The following GPR176 variants were observed in gnomAD, a reference collection of about 807,000 sequenced individuals.
GPR176 encodes G protein-coupled receptor 176, also known as G-protein coupled receptor 176.
GPR176 carries 26 observed loss-of-function variants against 35.4 expected under a neutral mutation model. That is an observed-to-expected ratio of 0.74 (90% CI 0.54 to 1.02). The LOEUF (loss-of-function observed/expected upper bound fraction) is 1.02. Ranked by LOEUF, GPR176 falls within the 50% of genes least tolerant of loss-of-function variation. The pLI is 0.00. For missense variants in GPR176, 597 were observed against 665.3 expected (o/e 0.90, Z 1.13); for synonymous variants, 278 against 271.3 (o/e 1.02, Z -0.24).
chr15:39,893,085 C>A lies in GPR176; in HGVS notation c.172+26770G>T, dbSNP rs951223488. On this transcript the variant is annotated intron_variant, in intron 1 of 2. Coordinates refer to ENST00000561100, the MANE Select transcript of GPR176 (RefSeq NM_007223.3). ...AATTTGGCATATCGAGAATATTGAT[C>A]TCTAACTCTCTTTTTTTTTTAAATT... is the stretch of plus-strand genomic sequence containing the variant. 3.3e-5 allele frequency among the ~76,000 whole-genome samples: 5 copies of A among 149,644 alleles called. 1 individual carries two copies. In the South Asian group the frequency reaches 8.6e-4, roughly 26 times the overall value.
At chr15:39,856,685 T>C (rs1243029474) in intron 1 of GPR176, among the ~76,000 whole-genome samples, 2 of 152,246 alleles carry the variant, frequency 1.3e-5, no homozygotes, top group Admixed American at 6.5e-5. Context: ...GCAATGTCTT[T>C]TAAGACCTAG....
At chr15:39,900,541 G>A (rs764691018) in intron 1 of GPR176, among the ~76,000 whole-genome samples, 9 of 152,160 alleles carry the variant, frequency 5.9e-5, no homozygotes, top group Non-Finnish European at 4.4e-5. Context: ...AGCTGCCCAC[G>A]TACTCCCGTT....
chr15:39,854,339 T>C (rs2031067495), intron 1 of GPR176, among the ~76,000 whole-genome samples: 1 of 152,208 alleles, frequency 6.6e-6, no homozygotes, highest in Admixed American at 6.5e-5. Context: ...TCAGCTCCTT[T>C]AGATGATTAT....
intron 1 of GPR176, among the ~76,000 whole-genome samples, chr15:39,836,347 TATG>T (rs1176869316): frequency 6.6e-6 from 1 of 152,118 alleles, no homozygotes; most frequent in Non-Finnish European, 1.5e-5. Flanking sequence ...CCTGAGTTCA[TATG>T]ATATCTGGTT....
In GPR176 at chr15:39,799,522, GA is replaced by G. The variant is rs1210723989; in HGVS notation, c.*1609del. On this transcript the variant is annotated 3_prime_UTR_variant, in exon 3 of 3. Transcript: ENST00000561100. ...CAGAAACACAAGACACCACACCCAAGAGAAGAAAGGAAAACAAAACTCCCTA... is the reference window on the plus strand; with the variant it reads ...CAGAAACACAAGACACCACACCCAAGGAAGAAAGGAAAACAAAACTCCCTA... 1 of 152,248 alleles carries G rather than the reference GA, an allele frequency of 6.6e-6. No individual in the cohort carries two copies. The highest frequency in any genetic ancestry group is 6.5e-5 in the Admixed American group (1 of 15,290). 9.4% of individuals were successfully genotyped at this position (152,248 alleles called of 1,614,324 possible).
At chr15:39,817,068 C>CAAAAAAAAAAAAAAAAAAA (rs58812005) in intron 1 of GPR176, among the ~76,000 whole-genome samples, 2 of 77,296 alleles carry the variant, frequency 2.6e-5, no homozygotes, top group Non-Finnish European at 4.6e-5. Context: ...GATTCTGTCT[C>CAAAAAAAAAAAAAAAAAAA]AAAAAAAAAA....
chr15:39,872,915 G>C (rs931339260), intron 1 of GPR176, among the ~76,000 whole-genome samples: 18 of 728 alleles, frequency 0.025, no homozygotes, highest in Middle Eastern at 0.25. Flanking sequence ...AAATATCTGT[G>C]TGTGTGTGTG....
rs1418575872 is a variant in GPR176 at position 39,800,805 on chromosome 15, C to G, written c.*327G>C. ...TTCTCTCTGTGTGTTCTCTGCAGAG[C>G]CCAGGGAAGTGAGGCATCCTCAGAA... On this transcript the variant is annotated 3_prime_UTR_variant, in exon 3 of 3. Transcript: ENST00000561100. 7.3e-6 allele frequency: 2 copies of G among 274,060 alleles called. No homozygotes were observed. Among genetic ancestry groups the G allele is most frequent in the Non-Finnish European group, 1.4e-5 (2 of 143,692 alleles). The allele number at this position is 274,060 out of a possible 1,614,324, so 17.0% of individuals were successfully genotyped here.
At chr15:39,834,003 C>T (rs1266413934) in intron 1 of GPR176, among the ~76,000 whole-genome samples, 1 of 152,204 alleles carries the variant, frequency 6.6e-6, no homozygotes, top group East Asian at 1.9e-4. Flanking sequence ...CATTCTTTTT[C>T]TTTCTCACAC....
intron 1 of GPR176, among the ~76,000 whole-genome samples, chr15:39,877,298 C>G (rs533748270): frequency 8.8e-4 from 134 of 152,202 alleles, no homozygotes; most frequent in African/African-American, 3.1e-3. Flanking sequence ...TTTCTCCTCT[C>G]CCCCAACCCC....
rs529017417 is a variant in GPR176 at position 39,835,813 on chromosome 15, GC to G, written c.173-28556del. ...TGTCCATCTAAAAACAGAGTTTCAG[GC>G]CTGACATGGTGGCTCATGCCTGTAA... On this transcript the variant is annotated intron_variant, in intron 1 of 2. Coordinates refer to ENST00000561100, the MANE Select transcript of GPR176 (RefSeq NM_007223.3). 2.2e-3 allele frequency among the ~76,000 whole-genome samples: 336 copies of G among 152,294 alleles called. 1 individual carries two copies. Among genetic ancestry groups the G allele is most frequent in the Non-Finnish European group, 3.8e-3 (261 of 68,026 alleles).
At chr15:39,914,048 A>AAAAC (rs551552592) in intron 1 of GPR176, among the ~76,000 whole-genome samples, 180 of 152,246 alleles carry the variant, frequency 1.2e-3, no homozygotes, top group African/African-American at 3.2e-3. Flanking sequence ...TCAGTCTCAA[A>AAAAC]AAACAAACAA....
intron 1 of GPR176, among the ~76,000 whole-genome samples, chr15:39,887,406 G>A (rs2032710501): frequency 6.6e-6 from 1 of 152,140 alleles, no homozygotes. Flanking sequence ...ACACAAAGAG[G>A]TGAATGGCCC....
At chr15:39,845,332 C>T (rs1408476058) in intron 1 of GPR176, among the ~76,000 whole-genome samples, 1 of 151,750 alleles carries the variant, frequency 6.6e-6, no homozygotes, top group African/African-American at 2.4e-5. Context: ...CTAAGTGTTC[C>T]ATTTAAGGAG....
rs114175043 is a variant in GPR176, at chr15:39,872,895, C to T, written c.172+46960G>A. 8.1e-3 allele frequency among the ~76,000 whole-genome samples: 1,199 copies of T among 148,888 alleles called. 14 individuals carry two copies. The highest frequency in any genetic ancestry group is 0.029 in the African/African-American group (1,150 of 40,324). On this transcript the variant is annotated intron_variant, in intron 1 of 2. Transcript: ENST00000561100. ...ATTCAACATGAGATTTTGGTGGGGA[C>T]AAATATCCAAAATATCTGTGTGTGT... is the stretch of plus-strand genomic sequence containing the variant.
chr15:39,903,132 C>G (rs2033325176), intron 1 of GPR176, among the ~76,000 whole-genome samples: 1 of 152,204 alleles, frequency 6.6e-6, no homozygotes, highest in Non-Finnish European at 1.5e-5. Flanking sequence ...TTAAAGTAGT[C>G]TAGGCTAAGC....
intron 1 of GPR176, among the ~76,000 whole-genome samples, chr15:39,906,502 T>C (rs927857456): frequency 2.0e-5 from 3 of 152,252 alleles, no homozygotes; most frequent in Non-Finnish European, 4.4e-5. Flanking sequence ...CTTTTGGCCA[T>C]ACTTTTGACC....
At chr15:39,815,918 G>A (rs563237217) in intron 1 of GPR176, among the ~76,000 whole-genome samples, 1 of 152,282 alleles carries the variant, frequency 6.6e-6, no homozygotes, top group South Asian at 2.1e-4. Context: ...AAGGATGAAT[G>A]GATAAATGGA....
intron 1 of GPR176, among the ~76,000 whole-genome samples, chr15:39,879,987 G>C (rs1244515981): frequency 6.6e-6 from 1 of 152,104 alleles, no homozygotes; most frequent in African/African-American, 2.4e-5. Flanking sequence ...GTCCTATGTG[G>C]GTGACAAGAC....
Sources: gnomAD v4.1 joint callset for allele counts (sites outside exome capture counted in the v4.1 genomes callset) on GRCh38, gnomAD v4.1.1 for gene constraint, MANE v1.5 for transcripts, NCBI Gene and HGNC (gene_info 2026-07-23, HGNC 2026-07-21) for gene names.